TRPM3: variants seen among roughly 807,000 people sequenced by gnomAD.
TRPM3 encodes the protein transient receptor potential cation channel subfamily M member 3.
TRPM3 carries 77 observed loss-of-function variants against 181.2 expected under a neutral mutation model. The observed-to-expected ratio is 0.42, with a 90% confidence interval of 0.35 to 0.51. The LOEUF (loss-of-function observed/expected upper bound fraction) is 0.51, where lower values mean the gene tolerates loss of function less well. Ranked by LOEUF, TRPM3 falls within the 20% of genes least tolerant of loss-of-function variation. The pLI is 0.01. For synonymous variants in TRPM3, 745 were observed against 796.4 expected, an observed-to-expected ratio of 0.94 and a Z score of 1.09; for missense variants, 1,759 against 2,196.7, an observed-to-expected ratio of 0.80 and a Z score of 3.98.
intron 1 of TRPM3, among the ~76,000 whole-genome samples, chr9:70,932,126 C>T (rs936512716): frequency 3.3e-5 from 5 of 152,124 alleles, no homozygotes; most frequent in African/African-American, 1.2e-4. Context: ...TTTGATGACT[C>T]TAGGATTAGA....
rs1008161189 is a variant in TRPM3 at position 71,278,172 on chromosome 9, C to T, written c.183+168481G>A. 8.5e-5 allele frequency among the ~76,000 whole-genome samples: 13 copies of T among 152,158 alleles called. No homozygotes were observed. In the East Asian group the frequency reaches 9.6e-4, roughly 11 times the overall value. On this transcript the variant is annotated intron_variant, in intron 1 of 24. Coordinates refer to the TRPM3 transcript ENST00000357533. Reference sequence around the variant, plus strand: ...ATTTCAGTAAAAGGAACAATAACTGCGGATCTACTATGAGGCAACCACTGT... The same window carrying T: ...ATTTCAGTAAAAGGAACAATAACTGTGGATCTACTATGAGGCAACCACTGT...
At chr9:71,047,025 A>T (rs1043923537) in intron 1 of TRPM3, among the ~76,000 whole-genome samples, 1 of 152,232 alleles carries the variant, frequency 6.6e-6, no homozygotes, top group African/African-American at 2.4e-5. Flanking sequence ...CCATTGAAAT[A>T]TCTTGAGGGA....
chr9:71,371,808 GA>G (rs2092523688), intron 1 of TRPM3, among the ~76,000 whole-genome samples: 1 of 152,090 alleles, frequency 6.6e-6, no homozygotes, highest in Non-Finnish European at 1.5e-5. Context: ...CAATCATTTT[GA>G]AAAAAATTCA....
At chr9:71,166,578 T>C (rs2076551928) in intron 1 of TRPM3, among the ~76,000 whole-genome samples, 1 of 152,034 alleles carries the variant, frequency 6.6e-6, no homozygotes. Context: ...TGACCAGAGG[T>C]TACAGTATCT....
intron 1 of TRPM3, among the ~76,000 whole-genome samples, chr9:71,128,639 G>A (rs751619002): frequency 7.9e-5 from 12 of 152,136 alleles, no homozygotes; most frequent in African/African-American, 2.4e-4. Flanking sequence ...CAGAATGTAG[G>A]TATTTTAGAT....
At chr9:71,037,484 T>G (rs1453128942) in intron 1 of TRPM3, among the ~76,000 whole-genome samples, 1 of 152,270 alleles carries the variant, frequency 6.6e-6, no homozygotes, top group Admixed American at 6.5e-5. Context: ...TGTGTGCATA[T>G]AATATATGGC....
At chr9:70,896,947 A>AT (rs1344905113) in intron 1 of TRPM3, among the ~76,000 whole-genome samples, 1 of 137,416 alleles carries the variant, frequency 7.3e-6, no homozygotes, top group Non-Finnish European at 1.6e-5. Context: ...CTTATGACCA[A>AT]TCTTTTCTTT....
Position 70,604,964 on chromosome 9 carries a change from C to CTTCTTTTTTTTT in TRPM3, c.2668-1495_2668-1494insAAAAAAAAAGAA, listed in dbSNP as rs146874864. Among the ~76,000 whole-genome samples the CTTCTTTTTTTTT allele has an allele frequency of 1.5e-5, 2 of 129,956 alleles. 1 individual carries two copies. Among genetic ancestry groups the CTTCTTTTTTTTT allele is most frequent in the Admixed American group, 1.6e-4 (2 of 12,150 alleles). The allele number at this position is 129,956 out of a possible 152,430, so 85.3% of individuals were successfully genotyped here. On this transcript the variant is annotated intron_variant, in intron 19 of 25. Coordinates refer to ENST00000677713, the MANE Select transcript of TRPM3 (RefSeq NM_001366145.2). The stretch of plus-strand genomic sequence containing the variant: ...ACCATGCTCAGCTGAATGGATTCTT[C>CTTCTTTTTTTTT]TTTTTTTTTGGAGACTGAGTCTCAC...
intron 9 of TRPM3, among the ~76,000 whole-genome samples, chr9:70,672,232 G>A (rs1443162942): frequency 6.6e-6 from 1 of 152,128 alleles, no homozygotes; most frequent in Non-Finnish European, 1.5e-5. Context: ...CCACAGTGAT[G>A]AATTCAGGGA....
At chr9:71,259,026 T>C (rs2082859693) in intron 1 of TRPM3, among the ~76,000 whole-genome samples, 1 of 152,160 alleles carries the variant, frequency 6.6e-6, no homozygotes, top group Non-Finnish European at 1.5e-5. Context: ...GTATTTCTCC[T>C]AATGCTATCC....
At chr9:70,935,976 A>C (rs1375424288) in intron 1 of TRPM3, among the ~76,000 whole-genome samples, 1 of 152,188 alleles carries the variant, frequency 6.6e-6, no homozygotes, top group Non-Finnish European at 1.5e-5. Context: ...GCATTAATAC[A>C]CTTTACTCCC....
chr9:70,612,673 T>C (rs561001117), intron 18 of TRPM3, among the ~76,000 whole-genome samples: 2 of 152,322 alleles, frequency 1.3e-5, no homozygotes, highest in South Asian at 4.1e-4. Flanking sequence ...TATTGAAGTG[T>C]GTATTTTCAT....
intron 1 of TRPM3, among the ~76,000 whole-genome samples, chr9:71,410,977 T>C (rs2093536911): frequency 6.6e-6 from 1 of 152,140 alleles, no homozygotes. Context: ...TAATCCATCA[T>C]ATAAACAGAA....
intron 1 of TRPM3, among the ~76,000 whole-genome samples, chr9:71,210,024 C>G (rs547329307): frequency 6.6e-6 from 1 of 152,310 alleles, no homozygotes; most frequent in African/African-American, 2.4e-5. Flanking sequence ...GGTCCCTAAC[C>G]CCGTTAGGAA....
At chr9:70,761,850 T>C (rs1188970299) in intron 7 of TRPM3, 126 bp from the exon 8 acceptor site, 2 of 1,176,274 alleles carry the variant, frequency 1.7e-6, no homozygotes, top group Non-Finnish European at 2.3e-6. Context: ...TCTGTATTTT[T>C]CTCACAAAAG....
chr9:71,112,165 A>G (rs879439805), intron 1 of TRPM3, among the ~76,000 whole-genome samples: 1 of 152,222 alleles, frequency 6.6e-6, no homozygotes, highest in Non-Finnish European at 1.5e-5. Flanking sequence ...CAAGTTTAAC[A>G]GTACAGTTTT....
intron 1 of TRPM3, among the ~76,000 whole-genome samples, chr9:70,992,850 C>A (rs112428231): frequency 0.015 from 2,254 of 152,242 alleles, 41 homozygotes; most frequent in African/African-American, 0.051. Flanking sequence ...AGTGCCAACA[C>A]AACAGTGATG....
At chr9:70,845,328 C>A (rs1336816583) in intron 4 of TRPM3, among the ~76,000 whole-genome samples, 4 of 152,168 alleles carry the variant, frequency 2.6e-5, no homozygotes, top group African/African-American at 7.2e-5. Context: ...CAGCCTCCAC[C>A]TCCCAGGTTC....
chr9:71,090,449 A>G (rs1219113675), intron 1 of TRPM3, among the ~76,000 whole-genome samples: 3 of 152,170 alleles, frequency 2.0e-5, no homozygotes, highest in African/African-American at 7.2e-5. Context: ...TTTCCTTGAT[A>G]TAAATCTTCT....
Sources: gnomAD v4.1 joint callset for allele counts (sites outside exome capture counted in the v4.1 genomes callset) on GRCh38, gnomAD v4.1.1 for gene constraint, MANE v1.5 for transcripts, NCBI Gene and HGNC (gene_info 2026-07-23, HGNC 2026-07-21) for gene names.